MYO3B: variants seen among roughly 807,000 people sequenced by gnomAD.
MYO3B encodes the protein myosin-IIIb.
MYO3B carries 156 observed loss-of-function variants against 174.6 expected under a neutral mutation model. The observed-to-expected ratio is 0.89, with a 90% confidence interval of 0.78 to 1.02. The LOEUF is 1.02. MYO3B is among the 50% of genes least tolerant of loss of function. MYO3B has a pLI of 0.00. For missense variants in MYO3B, 1,632 were observed against 1,639.4 expected, an observed-to-expected ratio of 1.00 and a Z score of 0.08; for synonymous variants, 563 against 569.1, an observed-to-expected ratio of 0.99 and a Z score of 0.15.
intron 22 of MYO3B, among the ~76,000 whole-genome samples, chr2:170,442,546 C>T (rs1030467632): frequency 6.1e-5 from 9 of 148,624 alleles, no homozygotes; most frequent in African/African-American, 2.2e-4. Flanking sequence ...GATACATGTG[C>T]ACAACGTGCA....
intron 22 of MYO3B, among the ~76,000 whole-genome samples, chr2:170,417,206 G>A (rs1402389547): frequency 6.6e-6 from 1 of 152,058 alleles, no homozygotes; most frequent in Non-Finnish European, 1.5e-5. Flanking sequence ...ATGGAAAGTA[G>A]CCCCTCTCTT....
At chr2:170,432,738 G>A (rs1020391093) in intron 22 of MYO3B, among the ~76,000 whole-genome samples, 9 of 151,896 alleles carry the variant, frequency 5.9e-5, no homozygotes, top group Admixed American at 3.9e-4. Flanking sequence ...CACCATGCCC[G>A]GCTAATTTTT....
chr2:170,503,794 C>G (rs1057406302), intron 28 of MYO3B, among the ~76,000 whole-genome samples: 5 of 152,172 alleles, frequency 3.3e-5, no homozygotes, highest in African/African-American at 1.2e-4. Context: ...CCAACACCAC[C>G]TCTGCCCTCT....
chr2:170,201,850 C>T (rs187792306), intron 3 of MYO3B, among the ~76,000 whole-genome samples: 35 of 152,200 alleles, frequency 2.3e-4, no homozygotes, highest in Admixed American at 1.2e-3. Context: ...TGTTTTAAAC[C>T]TCGTTGTAAC....
At chr2:170,485,558 A>G (rs981113511) in intron 25 of MYO3B, among the ~76,000 whole-genome samples, 1 of 151,886 alleles carries the variant, frequency 6.6e-6, no homozygotes, top group African/African-American at 2.4e-5. Context: ...ATGTTGTTCC[A>G]TAGCTCTAAC....
intron 7 of MYO3B, among the ~76,000 whole-genome samples, chr2:170,270,212 A>T (rs2093416013): frequency 6.6e-6 from 1 of 152,108 alleles, no homozygotes; most frequent in Non-Finnish European, 1.5e-5. Flanking sequence ...TACACTGAGG[A>T]TATATTTATA....
chr2:170,454,247 G>A (rs918811307), intron 23 of MYO3B, among the ~76,000 whole-genome samples: 5 of 152,130 alleles, frequency 3.3e-5, no homozygotes, highest in African/African-American at 1.2e-4. Flanking sequence ...TACTCATTAG[G>A]GAGGGCCAGC....
At position 170,401,796 on chromosome 2, in the gene MYO3B, C is replaced by CTTTTTTTTTTTTTTTTTTT. The variant is rs1268110549; in HGVS notation, c.2129+110_2129+111insTTTTTTTTTTTTTTTTTTT. The CTTTTTTTTTTTTTTTTTTT allele has an allele frequency of 1.1e-4, 86 of 794,406 alleles. 1 individual carries two copies. The African/African-American group carries it at 1.5e-3, about 14-fold the overall frequency. The allele number at this position is 794,406 out of a possible 1,614,324, so 49.2% of individuals were successfully genotyped here. A position where few individuals can be genotyped will look rare whatever the true frequency, so the allele number is the denominator to read the frequency against. On this transcript the variant is annotated intron_variant, in intron 18 of 34. Coordinates refer to ENST00000408978, the MANE Select transcript of MYO3B (RefSeq NM_138995.5). ...TTTGGTCCTCTCTGGGATTTTCTTT[C>CTTTTTTTTTTTTTTTTTTT]TTTTTCTTTTTTTTTTTTTTTGTGG...
intron 8 of MYO3B, among the ~76,000 whole-genome samples, chr2:170,354,522 T>G (rs980114791): frequency 7.9e-5 from 12 of 152,026 alleles, no homozygotes; most frequent in Non-Finnish European, 1.8e-4. Flanking sequence ...ATGGAGAAAA[T>G]TAGAAAGGAA....
intron 14 of MYO3B, 88 bp downstream of exon 14, chr2:170,387,396 G>A (rs2094384492): frequency 1.6e-6 from 2 of 1,224,304 alleles, no homozygotes; most frequent in Non-Finnish European, 2.4e-6. Flanking sequence ...TTTCATTCTT[G>A]TTCTTAACAT....
At chr2:170,608,777 C>G (rs1694971929) in intron 32 of MYO3B, among the ~76,000 whole-genome samples, 1 of 152,024 alleles carries the variant, frequency 6.6e-6, no homozygotes, top group African/African-American at 2.4e-5. Context: ...CTGAGAGATG[C>G]AAATCCAGAG....
chr2:170,217,638 G>A (rs189402949), intron 6 of MYO3B, among the ~76,000 whole-genome samples: 109 of 152,298 alleles, frequency 7.2e-4, no homozygotes, highest in African/African-American at 2.6e-3. Context: ...TGTCCCTCCA[G>A]AAGATGCAGC....
chr2:170,346,356 C>G (rs754273829), intron 8 of MYO3B: 3 of 151,918 alleles, frequency 2.0e-5, no homozygotes, highest in African/African-American at 7.3e-5. Flanking sequence ...TATGTGTGGT[C>G]GAAGACAATT....
At chr2:170,554,927 T>C (rs527423104) in intron 32 of MYO3B, among the ~76,000 whole-genome samples, 19 of 152,238 alleles carry the variant, frequency 1.2e-4, no homozygotes, top group Admixed American at 2.6e-4. Context: ...AAACAACACA[T>C]ACTCTCAAGA....
At position 170,524,345 on chromosome 2, in the gene MYO3B, C is replaced by T. The variant is rs189780488; in HGVS notation, c.3575+4805C>T. On this transcript the variant is annotated intron_variant, in intron 30 of 34. Transcript: ENST00000408978. ...CTACACCTGCCCCCCATCAGCTAGT[C>T]GAGGAATCACTGGGTTATGCAGGGT... is the stretch of plus-strand genomic sequence containing the variant. Among the ~76,000 whole-genome samples, 141 of 152,260 alleles carry T rather than the reference C, an allele frequency of 9.3e-4. 1 individual carries two copies. The highest frequency in any genetic ancestry group is 1.9e-3 in the Non-Finnish European group (130 of 68,026).
intron 7 of MYO3B, among the ~76,000 whole-genome samples, chr2:170,322,135 G>GTAGCAGC (rs921510773): frequency 3.4e-5 from 5 of 145,342 alleles, no homozygotes; most frequent in African/African-American, 1.3e-4. Context: ...AAAAAAAAGA[G>GTAGCAGC]TAGCAGCACT....
intron 3 of MYO3B, among the ~76,000 whole-genome samples, chr2:170,204,873 C>T (rs1350188127): frequency 2.0e-5 from 3 of 148,384 alleles, no homozygotes; most frequent in Admixed American, 2.0e-4. Flanking sequence ...CTTTGTTATG[C>T]TTTTAAAATG....
intron 32 of MYO3B, among the ~76,000 whole-genome samples, chr2:170,557,143 T>TA (rs1691370201): frequency 4.2e-5 from 1 of 23,964 alleles, no homozygotes; most frequent in Admixed American, 3.1e-4. Context: ...TTTATTTTTA[T>TA]TTTTATTTTT....
chr2:170,184,314 A>G (rs980347677), intron 1 of MYO3B, among the ~76,000 whole-genome samples: 1 of 151,842 alleles, frequency 6.6e-6, no homozygotes, highest in Non-Finnish European at 1.5e-5. Flanking sequence ...TTTTGTACCC[A>G]TTAACCATCC....
Sources: gnomAD v4.1 joint callset for allele counts (sites outside exome capture counted in the v4.1 genomes callset) on GRCh38, gnomAD v4.1.1 for gene constraint, MANE v1.5 for transcripts, NCBI Gene and HGNC (gene_info 2026-07-23, HGNC 2026-07-21) for gene names.